Variants in TF observed in about 807,000 individuals in gnomAD.
TF encodes serotransferrin.
In TF, 55 loss-of-function variants were observed where a neutral mutation model predicts 82.4. The observed-to-expected ratio is 0.67, with a 90% confidence interval of 0.54 to 0.84. The LOEUF (loss-of-function observed/expected upper bound fraction) is 0.84, where lower values mean the gene tolerates loss of function less well. Among genes scored for constraint, TF ranks in the 40% least tolerant of loss-of-function variants. The pLI is 0.00. For synonymous variants in TF, 332 were observed against 332.6 expected, an observed-to-expected ratio of 1.00 and a Z score of 0.02; for missense variants, 737 against 868.4, an observed-to-expected ratio of 0.85 and a Z score of 1.90.
intron 5 of TF, among the ~76,000 whole-genome samples, chr3:133,755,977 C>A (rs1324958556): frequency 6.6e-6 from 1 of 152,188 alleles, no homozygotes; most frequent in East Asian, 1.9e-4. Flanking sequence ...GCCAAAGGCA[C>A]ATTTTCACCC....
At chr3:133,707,319 G>T in the TF span, among the ~76,000 whole-genome samples, 1 of 152,168 alleles carries the variant, frequency 6.6e-6, no homozygotes, top group Non-Finnish European at 1.5e-5. Flanking sequence ...CCAGACTGGT[G>T]TCATGGACCG....
chr3:133,711,163 C>T, the TF span, among the ~76,000 whole-genome samples: 1 of 152,168 alleles, frequency 6.6e-6, no homozygotes, highest in Non-Finnish European at 1.5e-5. Flanking sequence ...AACTCTTTTT[C>T]CCAATCTCAA....
chr3:133,674,463 C>G, the TF span, among the ~76,000 whole-genome samples: 1 of 152,208 alleles, frequency 6.6e-6, no homozygotes, highest in African/African-American at 2.4e-5. Context: ...GCTGGCTGCC[C>G]CAAGGGAGGA....
the TF span, among the ~76,000 whole-genome samples, chr3:133,668,663 C>T: frequency 1.3e-5 from 2 of 152,182 alleles, no homozygotes; most frequent in Non-Finnish European, 2.9e-5. Flanking sequence ...CACCCATACC[C>T]CCTCACCCTT....
chr3:133,726,885 A>G, the TF span, among the ~76,000 whole-genome samples: 1 of 152,028 alleles, frequency 6.6e-6, no homozygotes, highest in Non-Finnish European at 1.5e-5. Context: ...TTCAAAGAAC[A>G]TCTTTATTTC....
Position 133,753,629 on chromosome 3 carries a change from G to T in TF, c.251G>T (p.Gly84Val). The T allele has an allele frequency of 1.2e-6, 2 of 1,614,210 alleles. No individual in the cohort carries two copies. The highest frequency in any genetic ancestry group is 1.7e-6 in the Non-Finnish European group (2 of 1,180,034). Residue 84 changes from glycine (G) to valine (V), a missense_variant, in exon 3 of 17, where the codon GGT becomes GTT. Coordinates refer to ENST00000402696, the MANE Select transcript of TF (RefSeq NM_001063.4). ...NEADAVTLDA[G>V]LVYDAYLAPN... ...GCGGATGCTGTGACACTGGATGCAG[G>T]TTTGGTGTATGATGCTTACCTGGCT...
intron 3 of TF, chr3:133,753,948 AAC>A (rs1235635054): frequency 6.7e-6 from 4 of 593,832 alleles, no homozygotes; most frequent in Non-Finnish European, 1.2e-5. Context: ...TTATCAGAGA[AAC>A]ACAGCAGGCT....
the TF span, among the ~76,000 whole-genome samples, chr3:133,711,421 C>T: frequency 6.6e-6 from 1 of 152,166 alleles, no homozygotes; most frequent in African/African-American, 2.4e-5. Flanking sequence ...GCACACTAAG[C>T]TCATCCTGTT....
At chr3:133,728,274 G>A in the TF span, among the ~76,000 whole-genome samples, 30 of 152,264 alleles carry the variant, frequency 2.0e-4, no homozygotes, top group Non-Finnish European at 3.2e-4. Context: ...CATTCTCCCC[G>A]TCACTTTCAG....
Position 133,782,387 on chromosome 3 carries a change from T to C in TF, c.*3767T>C, listed in dbSNP as rs1277732917. The C allele has an allele frequency of 6.6e-6, 1 of 151,980 alleles. No homozygotes were observed. Among genetic ancestry groups the C allele is most frequent in the Non-Finnish European group, 1.5e-5 (1 of 68,036 alleles). The allele number at this position is 151,980 out of a possible 1,614,324, so 9.4% of individuals were successfully genotyped here. A position where few individuals can be genotyped will look rare whatever the true frequency, so the allele number is the denominator to read the frequency against. ...AGCCAATATAGGGAAGCAACCTAAA[T>C]GCCTGTTGAAGAATGAATGGATAAA... is the stretch of plus-strand genomic sequence containing the variant. On this transcript the variant is annotated 3_prime_UTR_variant, in exon 17 of 17. Coordinates refer to ENST00000402696, the MANE Select transcript of TF (RefSeq NM_001063.4).
In TF at chr3:133,753,649, C is replaced by T. The variant is rs1411971702; in HGVS notation, c.271C>T (p.Leu91=). The change falls in exon 3 of 17, where the codon CTG becomes TTG. Residue 91 remains leucine (L), a synonymous_variant. Coordinates refer to ENST00000402696, the MANE Select transcript of TF (RefSeq NM_001063.4). ...LDAGLVYDAY[L]APNNLKPVVA... ...TGCAGGTTTGGTGTATGATGCTTACCTGGCTCCCAATAACCTGAAGCCTGT... is the reference window on the plus strand; with the variant it reads ...TGCAGGTTTGGTGTATGATGCTTACTTGGCTCCCAATAACCTGAAGCCTGT... The T allele has an allele frequency of 6.2e-7, 1 of 1,614,226 alleles. No individual in the cohort carries two copies. Among genetic ancestry groups the T allele is most frequent in the South Asian group, 1.1e-5 (1 of 91,074 alleles).
the TF span, among the ~76,000 whole-genome samples, chr3:133,720,917 A>G: frequency 1.3e-5 from 2 of 151,862 alleles, no homozygotes; most frequent in African/African-American, 4.8e-5. Flanking sequence ...ATGATCTTTC[A>G]TGTTTCTGTG....
At chr3:133,689,488 T>C in the TF span, among the ~76,000 whole-genome samples, 7 of 152,120 alleles carry the variant, frequency 4.6e-5, no homozygotes, top group Non-Finnish European at 7.4e-5. Flanking sequence ...ATAAATTTAG[T>C]AAAAGTTTAA....
chr3:133,736,631 CA>C, the TF span, among the ~76,000 whole-genome samples: 5,827 of 32,488 alleles, frequency 0.18, 179 homozygotes, highest in East Asian at 0.31. Flanking sequence ...AATGGAAAGC[CA>C]AAAAAAAAAA....
the TF span, among the ~76,000 whole-genome samples, chr3:133,714,802 C>T: frequency 3.3e-5 from 5 of 152,234 alleles, no homozygotes; most frequent in East Asian, 9.7e-4. Flanking sequence ...CCTGCCTCAG[C>T]CTCCTGAGTA....
chr3:133,678,168 T>C, the TF span, among the ~76,000 whole-genome samples: 1 of 152,364 alleles, frequency 6.6e-6, no homozygotes, highest in East Asian at 1.9e-4. Flanking sequence ...GCTTCATCTA[T>C]GTCCCTGCAA....
At position 133,791,809 on chromosome 3, in the gene TF, C is replaced by T. The variant is rs1458651327; in HGVS notation, c.*13189C>T. The stretch of plus-strand genomic sequence containing the variant: ...CAATTCCTGGCTTAGGGAATGAGTC[C>T]TTTATCTTCTGTCTGTGTATTTATA... On this transcript the variant is annotated 3_prime_UTR_variant, in exon 17 of 17. Transcript: ENST00000402696. 1 of 152,048 alleles carries T rather than the reference C, an allele frequency of 6.6e-6. No homozygotes were observed. The highest frequency in any genetic ancestry group is 1.5e-5 in the Non-Finnish European group (1 of 68,008). The allele number at this position is 152,048 out of a possible 1,614,324, so 9.4% of individuals were successfully genotyped here.
the TF span, among the ~76,000 whole-genome samples, chr3:133,684,425 T>C: frequency 1.3e-5 from 2 of 152,108 alleles, no homozygotes; most frequent in African/African-American, 4.8e-5. Context: ...GCTGGTTTTT[T>C]GAAAAGTTCA....
chr3:133,739,441 C>T, the TF span, among the ~76,000 whole-genome samples: 249 of 152,136 alleles, frequency 1.6e-3, no homozygotes, highest in African/African-American at 5.5e-3. Context: ...AAAGCAATGG[C>T]GACAAAAGCC....
Sources: gnomAD v4.1 joint callset for allele counts (sites outside exome capture counted in the v4.1 genomes callset) on GRCh38, gnomAD v4.1.1 for gene constraint, MANE v1.5 for transcripts, NCBI Gene and HGNC (gene_info 2026-07-23, HGNC 2026-07-21) for gene names.